The following MGAT4C variants were observed in gnomAD, a reference collection of about 807,000 sequenced individuals.
MGAT4C encodes the protein alpha-1,3-mannosyl-glycoprotein 4-beta-N-acetylglucosaminyltransferase C.
A neutral mutation model predicts 40.1 loss-of-function variants in MGAT4C; 19 were observed. The ratio of observed to expected loss-of-function variants is 0.47; its 90% CI spans 0.33 to 0.70. MGAT4C has a LOEUF of 0.70. Among genes scored for constraint, MGAT4C ranks in the 30% least tolerant of loss-of-function variants. The pLI, the probability that MGAT4C is intolerant of heterozygous loss-of-function variation, is 0.02. For missense variants in MGAT4C, 491 were observed against 563.2 expected (o/e 0.87, Z 1.30); for synonymous variants, 181 against 187.1 (o/e 0.97, Z 0.27).
intron 4 of MGAT4C, among the ~76,000 whole-genome samples, chr12:86,331,560 C>G (rs1372557243): frequency 1.3e-5 from 2 of 152,116 alleles, no homozygotes; most frequent in African/African-American, 4.8e-5. Context: ...CTGCTGATCA[C>G]CAGTTTCTGG....
intron 2 of MGAT4C, among the ~76,000 whole-genome samples, chr12:86,638,052 T>C (rs1963273335): frequency 6.6e-6 from 1 of 151,932 alleles, no homozygotes; most frequent in South Asian, 2.1e-4. Flanking sequence ...TTGTGCCCTC[T>C]TTGTCTTTAA....
chr12:86,763,295 G>T (rs1951437634), intron 1 of MGAT4C, among the ~76,000 whole-genome samples: 1 of 152,038 alleles, frequency 6.6e-6, no homozygotes, highest in Admixed American at 6.6e-5. Flanking sequence ...CCTTTACAAG[G>T]GTATATTGAA....
intron 3 of MGAT4C, among the ~76,000 whole-genome samples, chr12:86,398,878 G>A (rs1956305852): frequency 6.6e-6 from 1 of 152,134 alleles, no homozygotes; most frequent in Admixed American, 6.5e-5. Flanking sequence ...CTCACAGGGA[G>A]GTCAAGAAGA....
At position 86,566,546 on chromosome 12, in the gene MGAT4C, A is replaced by G. The variant is rs1228481771; in HGVS notation, c.-228-131281T>C. Among the ~76,000 whole-genome samples the G allele has an allele frequency of 1.1e-4, 11 of 104,168 alleles. 1 individual carries two copies. Among genetic ancestry groups the G allele is most frequent in the Admixed American group, 4.7e-4 (5 of 10,672 alleles). The allele number at this position is 104,168 out of a possible 152,430, so 68.3% of individuals were successfully genotyped here. On this transcript the variant is annotated intron_variant, in intron 2 of 7. Transcript: ENST00000548651. ...AACTCATATACATATATATATATAT[A>G]TATATATATATATATATATATATAT... is the stretch of plus-strand genomic sequence containing the variant.
At chr12:86,615,937 G>A (rs556509974) in intron 2 of MGAT4C, among the ~76,000 whole-genome samples, 13 of 152,030 alleles carry the variant, frequency 8.6e-5, no homozygotes, top group Admixed American at 6.5e-4. Context: ...AACTGGAGAA[G>A]CATTTATTAC....
chr12:86,537,102 T>G (rs1172052964), intron 2 of MGAT4C, among the ~76,000 whole-genome samples: 1 of 151,896 alleles, frequency 6.6e-6, no homozygotes, highest in Non-Finnish European at 1.5e-5. Flanking sequence ...ACCATCACTC[T>G]CAGCAAACTA....
chr12:86,215,448 T>C (rs1211000818), intron 1 of MGAT4C, among the ~76,000 whole-genome samples: 1 of 152,170 alleles, frequency 6.6e-6, no homozygotes, highest in African/African-American at 2.4e-5. Context: ...GTAAAGGAAC[T>C]GCAATCTAAA....
chr12:86,419,496 A>C (rs1404364914), intron 3 of MGAT4C, among the ~76,000 whole-genome samples: 1 of 151,916 alleles, frequency 6.6e-6, no homozygotes, highest in African/African-American at 2.4e-5. Flanking sequence ...CAGTTTTGCA[A>C]CTCAGTGAGT....
rs1952964586 is a variant in MGAT4C at position 86,833,096 on chromosome 12, T to C, written c.-262+5570A>G. Among the ~76,000 whole-genome samples the C allele has an allele frequency of 2.0e-5, 3 of 151,840 alleles. No individual in the cohort carries two copies. In the Admixed American group the frequency reaches 2.0e-4, roughly 10 times the overall value. ...TTAGGCTAAAAATAACTGCTGACAT[T>C]TGTATATTAGACTATCTTGTGCCAT... On this transcript the variant is annotated intron_variant, in intron 1 of 7. Transcript: ENST00000548651.
At chr12:86,749,216 A>G (rs1409311943) in intron 1 of MGAT4C, among the ~76,000 whole-genome samples, 1 of 151,714 alleles carries the variant, frequency 6.6e-6, no homozygotes, top group African/African-American at 2.4e-5. Flanking sequence ...CCATTCTTCT[A>G]AACAATAGAT....
intron 1 of MGAT4C, among the ~76,000 whole-genome samples, chr12:86,827,375 C>G (rs1952828517): frequency 6.6e-6 from 1 of 151,382 alleles, no homozygotes; most frequent in Admixed American, 6.6e-5. Context: ...ACTATTTTTT[C>G]TTTACACTTT....
chr12:86,572,671 C>T (rs1960411914), intron 2 of MGAT4C, among the ~76,000 whole-genome samples: 1 of 152,046 alleles, frequency 6.6e-6, no homozygotes, highest in African/African-American at 2.4e-5. Flanking sequence ...CTACAATAAT[C>T]TTTTTCTAAC....
chr12:86,683,100 G>C (rs1342964413), intron 2 of MGAT4C, among the ~76,000 whole-genome samples: 1 of 152,120 alleles, frequency 6.6e-6, no homozygotes, highest in African/African-American at 2.4e-5. Context: ...TGCTAGCTTT[G>C]TGACTTAGGA....
intron 1 of MGAT4C, among the ~76,000 whole-genome samples, chr12:86,119,986 A>G (rs1879106975): frequency 6.6e-6 from 1 of 151,800 alleles, no homozygotes; most frequent in Admixed American, 6.6e-5. Context: ...ATCATGAATT[A>G]AATTGCTCAC....
chr12:86,440,324 A>G, intron 2 of MGAT4C, among the ~76,000 whole-genome samples: 1 of 152,108 alleles, frequency 6.6e-6, no homozygotes, highest in East Asian at 1.9e-4. Flanking sequence ...ATGATTCAAC[A>G]CACACAAACT....
rs544658337 is a variant in MGAT4C, at chr12:86,500,367, C to A, written c.-228-65102G>T. On this transcript the variant is annotated intron_variant, in intron 2 of 7. Transcript: ENST00000548651. The stretch of plus-strand genomic sequence containing the variant: ...AAAGAGAAAGAGAGAGAGGAGAGAG[C>A]AAACATGAGAGCATACACTATCAAA... Among the ~76,000 whole-genome samples the A allele has an allele frequency of 3.4e-3, 510 of 151,496 alleles. 2 individuals carry two copies. Among genetic ancestry groups the A allele is most frequent in the Middle Eastern group, 0.027 (8 of 292 alleles).
intron 4 of MGAT4C, among the ~76,000 whole-genome samples, chr12:86,269,151 C>A (rs893248346): frequency 2.7e-5 from 4 of 148,780 alleles, no homozygotes; most frequent in Non-Finnish European, 5.9e-5. Context: ...AGGCCTTCAG[C>A]AGATATTTAT....
intron 1 of MGAT4C, among the ~76,000 whole-genome samples, chr12:86,185,512 A>C (rs73383696): frequency 6.6e-6 from 1 of 152,152 alleles, no homozygotes; most frequent in Non-Finnish European, 1.5e-5. Flanking sequence ...ACACATAAGC[A>C]TATGTTCTTT....
rs1221302534 is a variant in MGAT4C, at chr12:85,975,483, G to C, written c.*3806C>G. 6.6e-6 allele frequency: 1 copy of C among 150,906 alleles called. No individual in the cohort carries two copies. The highest frequency in any genetic ancestry group is 1.5e-5 in the Non-Finnish European group (1 of 67,120). 9.3% of individuals were successfully genotyped at this position (150,906 alleles called of 1,614,324 possible). On this transcript the variant is annotated 3_prime_UTR_variant, in exon 5 of 5. Transcript: ENST00000611864. ...TCCTATTCACAGATGTAGAAACTGA[G>C]TTTCAAGAAGGTTAAGTAAATTTCC...
Sources: gnomAD v4.1 joint callset for allele counts (sites outside exome capture counted in the v4.1 genomes callset) on GRCh38, gnomAD v4.1.1 for gene constraint, MANE v1.5 for transcripts, NCBI Gene and HGNC (gene_info 2026-07-23, HGNC 2026-07-21) for gene names.